Variants in PPP2R5C observed in about 807,000 individuals in gnomAD.
PPP2R5C encodes the protein serine/threonine-protein phosphatase 2A 56 kDa regulatory subunit gamma isoform.
PPP2R5C carries 7 observed loss-of-function variants against 68.9 expected under a neutral mutation model. That is an observed-to-expected ratio of 0.10 (90% CI 0.06 to 0.19). The LOEUF (loss-of-function observed/expected upper bound fraction) is 0.19. Among genes scored for constraint, PPP2R5C ranks in the 10% least tolerant of loss-of-function variants. PPP2R5C has a pLI of 1.00. For synonymous variants in PPP2R5C, 210 were observed against 222.2 expected, an observed-to-expected ratio of 0.95 and a Z score of 0.49; for missense variants, 348 against 641.3, an observed-to-expected ratio of 0.54 and a Z score of 4.94.
intron 13 of PPP2R5C, among the ~76,000 whole-genome samples, chr14:101,920,027 G>A (rs914091695): frequency 8.6e-5 from 13 of 150,478 alleles, no homozygotes; most frequent in Admixed American, 3.3e-4. Flanking sequence ...TAGGGTTGGG[G>A]AATTTTTATT....
rs902881089 is a variant in PPP2R5C at position 101,916,946 on chromosome 14, G to A, written c.1327-885G>A. Among the ~76,000 whole-genome samples, 2 of 152,100 alleles carry A rather than the reference G, an allele frequency of 1.3e-5. No homozygotes were observed. Among genetic ancestry groups the A allele is most frequent in the Non-Finnish European group, 2.9e-5 (2 of 68,002 alleles). ...CCCCATCAGCCAGGTGAGGGTGGCA[G>A]TACACACACACGACCACGCAGGACA... On this transcript the variant is annotated intron_variant, in intron 12 of 13. Transcript: ENST00000334743. This position sits in a 1 kb window ranked among gnomAD's most constrained non-coding sequence, Gnocchi z 5.5.
chr14:101,764,801 CTTTTTTT>C (rs34973768), intron 2 of PPP2R5C, among the ~76,000 whole-genome samples: 1 of 129,374 alleles, frequency 7.7e-6, no homozygotes, highest in South Asian at 2.4e-4. Flanking sequence ...TGCTATATGC[CTTTTTTT>C]TTTTTTTTTT....
At chr14:101,764,088 C>T (rs747740537) in intron 2 of PPP2R5C, among the ~76,000 whole-genome samples, 6 of 151,838 alleles carry the variant, frequency 4.0e-5, no homozygotes, top group Non-Finnish European at 8.8e-5. Context: ...GCTTTGGCCT[C>T]ATTGAGGAAC....
At chr14:101,785,630 G>A (rs996005334) in intron 2 of PPP2R5C, among the ~76,000 whole-genome samples, 1 of 152,026 alleles carries the variant, frequency 6.6e-6, no homozygotes, top group Admixed American at 6.5e-5. Context: ...CAGAATCATC[G>A]TCCCATCTCA....
chr14:101,872,493 C>T (rs1347363303), intron 2 of PPP2R5C, among the ~76,000 whole-genome samples: 1 of 152,136 alleles, frequency 6.6e-6, no homozygotes, highest in Non-Finnish European at 1.5e-5. Context: ...TCATCTTGGC[C>T]TCCCAAAGTA....
intron 2 of PPP2R5C, among the ~76,000 whole-genome samples, chr14:101,768,092 G>A (rs1381291047): frequency 6.6e-6 from 1 of 152,158 alleles, no homozygotes; most frequent in African/African-American, 2.4e-5. Flanking sequence ...CAGCATCCCT[G>A]GCCTTACCCC....
intron 5 of PPP2R5C, 44 bp downstream of exon 7, chr14:101,883,606 T>C: frequency 1.2e-6 from 2 of 1,600,454 alleles, no homozygotes; most frequent in Non-Finnish European, 1.7e-6. Flanking sequence ...GTGGTGATGC[T>C]CATTTCCCCC....
At chr14:101,822,905 C>T (rs919374590) in intron 1 of PPP2R5C, among the ~76,000 whole-genome samples, 3 of 151,964 alleles carry the variant, frequency 2.0e-5, no homozygotes, top group African/African-American at 7.3e-5. Flanking sequence ...TTTGGTGGGC[C>T]GTGTGTGTAT....
intron 1 of PPP2R5C, among the ~76,000 whole-genome samples, chr14:101,834,088 C>T (rs995779612): frequency 5.9e-5 from 9 of 152,194 alleles, no homozygotes; most frequent in East Asian, 3.9e-4. Context: ...GGATTACAAG[C>T]GTCAGCCACC....
rs1566969362 is a variant in PPP2R5C, at chr14:101,916,684, T to TGGCAGGGTGTGAGG, written c.1327-1139_1327-1126dup. Among the ~76,000 whole-genome samples, 1 of 41,610 alleles carries TGGCAGGGTGTGAGG rather than the reference T, an allele frequency of 2.4e-5. No homozygotes were observed. The highest frequency in any genetic ancestry group is 4.4e-5 in the Non-Finnish European group (1 of 22,932). 27.3% of individuals were successfully genotyped at this position (41,610 alleles called of 152,430 possible). Reference sequence around the variant, plus strand: ...GGCTGAGAACGGAGCTGCTCTGGGCTGGCAGGGTGTGAGGGGCAGGGGTGA... The same window carrying TGGCAGGGTGTGAGG: ...GGCTGAGAACGGAGCTGCTCTGGGCTGGCAGGGTGTGAGGGGCAGGGTGTGAGGGGCAGGGGTGA... On this transcript the variant is annotated intron_variant, in intron 12 of 13. Transcript: ENST00000334743. This position sits in a 1 kb window ranked among gnomAD's most constrained non-coding sequence, Gnocchi z 5.5.
At chr14:101,909,739 T>C in intron 11 of PPP2R5C, 49 bp downstream of exon 13, 1 of 1,402,936 alleles carries the variant, frequency 7.1e-7, no homozygotes, top group Non-Finnish European at 1.0e-6. Context: ...TTTTTCTTAA[T>C]CCTAAGTAAA....
At chr14:101,904,856 A>C (rs1239588140) in intron 9 of PPP2R5C, among the ~76,000 whole-genome samples, 1 of 152,226 alleles carries the variant, frequency 6.6e-6, no homozygotes, top group Non-Finnish European at 1.5e-5. Context: ...AGAGGCATAC[A>C]TGCTGTGATG....
chr14:101,880,171 A>G (rs941596589), intron 2 of PPP2R5C, among the ~76,000 whole-genome samples: 7 of 152,250 alleles, frequency 4.6e-5, no homozygotes, highest in Admixed American at 4.6e-4. Context: ...GCCAGAAATT[A>G]TAACACCAGT....
chr14:101,914,576 G>T (rs1470083792), intron 12 of PPP2R5C: 2 of 173,666 alleles, frequency 1.2e-5, no homozygotes, highest in East Asian at 1.6e-4. Context: ...TTTTAAGGTG[G>T]GTTCCCAGGG....
chr14:101,761,787 C>T (rs1324523964), upstream of PPP2R5C: 2 of 908,158 alleles, frequency 2.2e-6, no homozygotes, highest in Non-Finnish European at 2.5e-6. Flanking sequence ...CCCCGGGCGG[C>T]GGCGGCGGCG....
chr14:101,884,989 T>C (rs1463318958), intron 5 of PPP2R5C, among the ~76,000 whole-genome samples: 2 of 152,280 alleles, frequency 1.3e-5, no homozygotes, highest in Non-Finnish European at 2.9e-5. Context: ...TTCTACAAGT[T>C]ACAGCTTCTC....
At position 101,865,446 on chromosome 14, in the gene PPP2R5C, C is replaced by T. The variant is rs118159131; in HGVS notation, c.294+8561C>T. The stretch of plus-strand genomic sequence containing the variant: ...TCCTACCTGCCCTTGATCCCGTTGC[C>T]GTAACTAGGGAGATGGGGTACTGTG... On this transcript the variant is annotated intron_variant, in intron 2 of 13. Coordinates refer to ENST00000334743, the Ensembl canonical transcript of PPP2R5C. 8.5e-5 allele frequency among the ~76,000 whole-genome samples: 13 copies of T among 152,258 alleles called. No individual in the cohort carries two copies. The East Asian group carries it at 2.3e-3, about 27-fold the overall frequency.
Position 101,916,867 on chromosome 14 carries a change from C to T in PPP2R5C, c.1327-964C>T, listed in dbSNP as rs2046702882. ...CCTGGGCAGGAACCCCCGCTCCCCT[C>T]TCCTGAACTCAGAGGCCCTGAGCAA... On this transcript the variant is annotated intron_variant, in intron 12 of 13. Coordinates refer to ENST00000334743, the Ensembl canonical transcript of PPP2R5C. This position sits in a 1 kb window ranked among gnomAD's most constrained non-coding sequence, Gnocchi z 5.5. Among the ~76,000 whole-genome samples the T allele has an allele frequency of 6.6e-6, 1 of 152,094 alleles. No individual in the cohort carries two copies. Among genetic ancestry groups the T allele is most frequent in the Admixed American group, 6.6e-5 (1 of 15,266 alleles).
intron 1 of PPP2R5C, among the ~76,000 whole-genome samples, chr14:101,847,086 CAGTTA>C (rs1566901410): frequency 6.6e-6 from 1 of 152,166 alleles, no homozygotes; most frequent in African/African-American, 2.4e-5. Context: ...CGGTACCTCT[CAGTTA>C]AATTACCTGA....
Sources: allele counts gnomAD v4.1 joint callset (sites outside exome capture counted in the v4.1 genomes callset), GRCh38; gene constraint gnomAD v4.1.1; non-coding constraint Gnocchi (gnomAD v3.1); transcripts MANE v1.5; gene names NCBI Gene and HGNC (gene_info 2026-07-23, HGNC 2026-07-21).